POLD1: variants seen among roughly 807,000 people sequenced by gnomAD.
POLD1 encodes DNA polymerase delta 1, catalytic subunit, also known as DNA polymerase delta catalytic subunit.
In POLD1, 79 loss-of-function variants were observed where a neutral mutation model predicts 129.7. That is an observed-to-expected ratio of 0.61 (90% CI 0.51 to 0.73). The LOEUF is 0.73. POLD1 is among the 30% of genes least tolerant of loss of function. The pLI is 0.00. For synonymous variants in POLD1, 714 were observed against 683.3 expected (o/e 1.04, Z -0.70); for missense variants, 1,338 against 1,595.8 (o/e 0.84, Z 2.75).
chr19:50,411,839 CAAA>C (rs34036962), intron 17 of POLD1, among the ~76,000 whole-genome samples: 1 of 129,718 alleles, frequency 7.7e-6, no homozygotes, highest in Non-Finnish European at 1.7e-5. Context: ...AACTCCGTCT[CAAA>C]AAAAAAAAAA....
At chr19:50,417,021 T>A (rs1214043294) in intron 24 of POLD1, 24 bp from the exon 25 acceptor site, 1 of 1,546,464 alleles carries the variant, frequency 6.5e-7, no homozygotes, top group Non-Finnish European at 8.7e-7. Flanking sequence ...GCCCCAGCAC[T>A]TGGGCTGACC....
At chr19:50,412,304 C>T (rs2039113986) in intron 17 of POLD1, among the ~76,000 whole-genome samples, 1 of 152,148 alleles carries the variant, frequency 6.6e-6, no homozygotes, top group Non-Finnish European at 1.5e-5. Context: ...AGGCACCCGC[C>T]ACCATGCCTG....
At chr19:50,394,029 A>C (rs2038256621) in intron 1 of POLD1, 1 of 152,266 alleles carries the variant, frequency 6.6e-6, no homozygotes, top group East Asian at 1.9e-4. Flanking sequence ...AGAAAGATAC[A>C]AATTGATTTC....
chr19:50,409,407 C>T lies in POLD1; in HGVS notation c.2007-112C>T, dbSNP rs1325958251. ...TTCCTTTTGCCCCCTTGGCCAGAAGCTTCTGTGCAGTGCACAGTACGCCCA... is the reference window on the plus strand; with the variant it reads ...TTCCTTTTGCCCCCTTGGCCAGAAGTTTCTGTGCAGTGCACAGTACGCCCA... On this transcript the variant is annotated intron_variant, in intron 16 of 26. Transcript: ENST00000440232. The surrounding 1 kb of genome is among the most constrained non-coding windows in gnomAD (Gnocchi z 5.8). The T allele has an allele frequency of 4.8e-6, 7 of 1,468,088 alleles. No individual in the cohort carries two copies. In the African/African-American group the frequency reaches 9.8e-5, roughly 20 times the overall value. The allele number at this position is 1,468,088 out of a possible 1,614,324, so 90.9% of individuals were successfully genotyped here.
At chr19:50,393,667 A>G (rs1008001795) in intron 1 of POLD1, among the ~76,000 whole-genome samples, 3 of 152,208 alleles carry the variant, frequency 2.0e-5, no homozygotes, top group African/African-American at 7.2e-5. Context: ...TCCTGTCTCA[A>G]TAAAGAGAGA....
chr19:50,414,799 C>A lies in POLD1; in HGVS notation c.2389-16C>A, dbSNP rs2039212838. 6.6e-7 allele frequency: 1 copy of A among 1,516,916 alleles called. No homozygotes were observed. The highest frequency in any genetic ancestry group is 8.9e-7 in the Non-Finnish European group (1 of 1,124,974). The allele number at this position is 1,516,916 out of a possible 1,614,324, so 94.0% of individuals were successfully genotyped here. On this transcript the variant is annotated splice_polypyrimidine_tract_variant and intron_variant, in intron 19 of 26. Coordinates refer to ENST00000440232, the MANE Select transcript of POLD1 (RefSeq NM_002691.4). ...GCCTCCTCAGGCTCAGGGTCTTGGC[C>A]ATGGCTCCCTCCCAGGTCTACTTCC...
intron 24 of POLD1, 58 bp downstream of exon 24, chr19:50,416,781 C>T (rs1257025300): frequency 1.5e-6 from 2 of 1,331,680 alleles, no homozygotes; most frequent in Admixed American, 2.0e-5. Flanking sequence ...GCCGTCACCC[C>T]AGATCCTAGA....
chr19:50,403,645 G>A (rs758234927), intron 10 of POLD1, 48 bp downstream of exon 10: 4 of 1,219,698 alleles, frequency 3.3e-6, no homozygotes, highest in African/African-American at 3.0e-5. Flanking sequence ...CCCAGGTGTG[G>A]CCTCCGGGCC....
chr19:50,417,345 C>T (rs2039346509), intron 26 of POLD1, 76 bp downstream of exon 26: 2 of 988,290 alleles, frequency 2.0e-6, no homozygotes, highest in African/African-American at 1.6e-5. Context: ...GACCCAACCT[C>T]TGACTCCAAG....
chr19:50,401,754 C>T (rs2038639172), intron 3 of POLD1, 24 bp from the exon 4 acceptor site: 1 of 1,609,916 alleles, frequency 6.2e-7, no homozygotes, highest in South Asian at 1.1e-5. Flanking sequence ...GGCATGGCCG[C>T]TGTCTTACCC....
chr19:50,413,386 G>GC, intron 17 of POLD1, 40 bp from the exon 18 acceptor site: 1 of 1,559,858 alleles, frequency 6.4e-7, no homozygotes, highest in Non-Finnish European at 8.8e-7. Flanking sequence ...ACTGCACATG[G>GC]CCCCCAGGGC....
Position 50,417,031 on chromosome 19 carries a change from C to T in POLD1, c.3068-14C>T, listed in dbSNP as rs3218758. Reference sequence around the variant, plus strand: ...GCTGGGCCCCAGCACTTGGGCTGACCCGCCTCCCCACAGGAGCCGTGTGTG... The same window carrying T: ...GCTGGGCCCCAGCACTTGGGCTGACTCGCCTCCCCACAGGAGCCGTGTGTG... On this transcript the variant is annotated splice_polypyrimidine_tract_variant and intron_variant, in intron 24 of 26. Transcript: ENST00000440232. 6.1e-4 allele frequency: 941 copies of T among 1,548,128 alleles called. No individual in the cohort carries two copies. Among genetic ancestry groups the T allele is most frequent in the Middle Eastern group, 8.0e-4 (4 of 5,006 alleles).
At position 50,404,991 on chromosome 19, in the gene POLD1, C is replaced by G. The variant is rs375669913; in HGVS notation, c.1243-1191C>G. Among the ~76,000 whole-genome samples, 7 of 152,116 alleles carry G rather than the reference C, an allele frequency of 4.6e-5. No homozygotes were observed. The South Asian group carries it at 1.5e-3, about 32-fold the overall frequency. On this transcript the variant is annotated intron_variant, in intron 10 of 26. Coordinates refer to ENST00000440232, the MANE Select transcript of POLD1 (RefSeq NM_002691.4). ...TGTTGGCCAGGCTGGTCTCGAACTCCCAATCTCAGGTGATCTGCCCACTTC... is the reference window on the plus strand; with the variant it reads ...TGTTGGCCAGGCTGGTCTCGAACTCGCAATCTCAGGTGATCTGCCCACTTC...
chr19:50,404,818 G>A (rs1810562639), intron 10 of POLD1, among the ~76,000 whole-genome samples: 1 of 151,374 alleles, frequency 6.6e-6, no homozygotes, highest in Non-Finnish European at 1.5e-5. Flanking sequence ...GCAATGGCAC[G>A]ATCTTGGCTC....
At chr19:50,387,283 A>T (rs1368484556) in intron 1 of POLD1, among the ~76,000 whole-genome samples, 1 of 152,182 alleles carries the variant, frequency 6.6e-6, no homozygotes, top group Admixed American at 6.5e-5. Context: ...TTCCCAAAAA[A>T]ATATATAAAT....
chr19:50,404,574 C>CTTTTTTTTTTT (rs71182717), intron 10 of POLD1, among the ~76,000 whole-genome samples: 3 of 77,868 alleles, frequency 3.9e-5, no homozygotes, highest in African/African-American at 6.3e-5. Context: ...TTTTCTCTTT[C>CTTTTTTTTTTT]TTTTTTTTTT....
rs1469174668 is a variant in POLD1 at position 50,402,304 on chromosome 19, G to A, written c.689G>A (p.Gly230Asp). Residue 230 changes from glycine to aspartate, a missense_variant, in exon 6 of 27, where the codon GGC becomes GAC. Gly to Asp is a moderately conservative substitution (Grantham distance 94). This residue lies in a region of POLD1 where 720 missense variants were observed against 1,002.6 expected (regional missense o/e 0.72). Transcript: ENST00000440232. ...CCGGCCCGCCGTCTCCTGGAACAGG[G>A]CATCCGTGTGGCAGGCCTGGGCACG... ...VAPARRLLEQ[G>D]IRVAGLGTPS... The A allele has an allele frequency of 6.2e-7, 1 of 1,611,170 alleles. No homozygotes were observed. Among genetic ancestry groups the A allele is most frequent in the Admixed American group, 1.7e-5 (1 of 59,822 alleles).
At chr19:50,386,272 G>A (rs1210341735) in intron 1 of POLD1, among the ~76,000 whole-genome samples, 1 of 152,036 alleles carries the variant, frequency 6.6e-6, no homozygotes, top group Non-Finnish European at 1.5e-5. Context: ...CGAGTAGCTG[G>A]GATTACAGGT....
chr19:50,408,070 C>A (rs1313604623), intron 14 of POLD1, among the ~76,000 whole-genome samples: 1 of 150,362 alleles, frequency 6.7e-6, no homozygotes, highest in Admixed American at 6.6e-5. Context: ...CGGTGGCTCA[C>A]CCCTGTAATC....
Sources: allele counts gnomAD v4.1 joint callset (sites outside exome capture counted in the v4.1 genomes callset), GRCh38; gene constraint gnomAD v4.1.1; regional missense constraint gnomAD v4.1.1; non-coding constraint Gnocchi (gnomAD v3.1); transcripts MANE v1.5; gene names NCBI Gene and HGNC (gene_info 2026-07-23, HGNC 2026-07-21).